ITGA8: variants seen among roughly 807,000 people sequenced by gnomAD.
ITGA8 encodes the protein integrin subunit alpha 8.
A neutral mutation model predicts 142.3 loss-of-function variants in ITGA8; 91 were observed. That is an observed-to-expected ratio of 0.64 (90% CI 0.54 to 0.76). The LOEUF is 0.76. ITGA8 is among the 30% of genes least tolerant of loss of function. The probability of loss-of-function intolerance (pLI) is 0.00; values close to 1 mark genes in which losing one functional copy is unlikely to be tolerated. For missense variants in ITGA8, 1,406 were observed against 1,327.7 expected, an observed-to-expected ratio of 1.06 and a Z score of -0.92; for synonymous variants, 505 against 485.2, an observed-to-expected ratio of 1.04 and a Z score of -0.54.
At chr10:15,548,283 G>T (rs1029004290) in intron 27 of ITGA8, among the ~76,000 whole-genome samples, 172 bp downstream of exon 27, 1 of 152,006 alleles carries the variant, frequency 6.6e-6, no homozygotes, top group Non-Finnish European at 1.5e-5. Flanking sequence ...GTAGAGATGG[G>T]TTTTTTACCA....
At chr10:15,697,043 T>C (rs1012183249) in intron 2 of ITGA8, among the ~76,000 whole-genome samples, 81 of 15,256 alleles carry the variant, frequency 5.3e-3, no homozygotes, top group African/African-American at 7.2e-3. Flanking sequence ...CTCTTGTCTC[T>C]AAAACACACA....
intron 4 of ITGA8, among the ~76,000 whole-genome samples, chr10:15,681,028 C>T (rs556926635): frequency 5.9e-5 from 9 of 152,160 alleles, no homozygotes; most frequent in South Asian, 2.1e-4. Context: ...TATTTGTTGA[C>T]GTCTTACCCA....
At chr10:15,640,020 G>C (rs1417720660) in intron 13 of ITGA8, among the ~76,000 whole-genome samples, 1 of 152,208 alleles carries the variant, frequency 6.6e-6, no homozygotes, top group African/African-American at 2.4e-5. Flanking sequence ...AAAACAGCCA[G>C]CAAGTGAGAC....
At chr10:15,702,474 A>G (rs1271068433) in intron 2 of ITGA8, among the ~76,000 whole-genome samples, 1 of 152,118 alleles carries the variant, frequency 6.6e-6, no homozygotes, top group Non-Finnish European at 1.5e-5. Context: ...TATTTTTGAT[A>G]GAGATGGGGT....
rs147247531 is a variant in ITGA8 at position 15,717,636 on chromosome 10, T to G, written c.343+1130A>C. ...TATTGTGACCATATATAGACAGGCA[T>G]GATAAAAATATAATTTTCCAATGCT... is the stretch of plus-strand genomic sequence containing the variant. On this transcript the variant is annotated intron_variant, in intron 2 of 29. Coordinates refer to ENST00000378076, the MANE Select transcript of ITGA8 (RefSeq NM_003638.3). 1.5e-3 allele frequency among the ~76,000 whole-genome samples: 223 copies of G among 152,338 alleles called. 1 individual carries two copies. The highest frequency in any genetic ancestry group is 5.3e-3 in the African/African-American group (219 of 41,590).
At chr10:15,694,678 C>CATATATATATATATATATAT (rs71374639) in intron 2 of ITGA8, among the ~76,000 whole-genome samples, 1,944 of 77,290 alleles carry the variant, frequency 0.025, 92 homozygotes, top group African/African-American at 0.029. Flanking sequence ...TATTTGTCGA[C>CATATATATATATATATATAT]ATATATATAT....
At chr10:15,708,150 A>G (rs1204921352) in intron 2 of ITGA8, among the ~76,000 whole-genome samples, 2 of 152,202 alleles carry the variant, frequency 1.3e-5, no homozygotes, top group South Asian at 2.1e-4. Context: ...TGCAAATAGT[A>G]GCCCCTGAAA....
chr10:15,592,942 A>G (rs879915430), intron 21 of ITGA8, among the ~76,000 whole-genome samples: 1 of 152,210 alleles, frequency 6.6e-6, no homozygotes, highest in Non-Finnish European at 1.5e-5. Context: ...ACATTTATGT[A>G]GTCATTGAAA....
intron 21 of ITGA8, 106 bp from the exon 22 acceptor site, chr10:15,592,410 T>G: frequency 1.3e-6 from 1 of 793,072 alleles, no homozygotes. Flanking sequence ...AACTCTTTCC[T>G]TTGTTCTGCT....
intron 15 of ITGA8, among the ~76,000 whole-genome samples, chr10:15,609,555 A>G (rs1833255635): frequency 6.6e-6 from 1 of 152,226 alleles, no homozygotes; most frequent in African/African-American, 2.4e-5. Flanking sequence ...TGTCTACGCT[A>G]TTACAAGTGT....
intron 7 of ITGA8, among the ~76,000 whole-genome samples, chr10:15,671,879 C>CAAAAAAAAAAAA (rs34588118): frequency 1.3e-5 from 1 of 79,730 alleles, no homozygotes; most frequent in Non-Finnish European, 2.4e-5. Flanking sequence ...AGGAGCAAAG[C>CAAAAAAAAAAAA]AAAAAAAAAA....
intron 13 of ITGA8, among the ~76,000 whole-genome samples, chr10:15,639,685 C>T (rs1434577399): frequency 6.6e-6 from 1 of 152,200 alleles, no homozygotes; most frequent in Non-Finnish European, 1.5e-5. Flanking sequence ...GGAAACACTG[C>T]TCTAGAGGAC....
At chr10:15,689,089 C>T (rs1237097935) in intron 2 of ITGA8, among the ~76,000 whole-genome samples, 1 of 152,112 alleles carries the variant, frequency 6.6e-6, no homozygotes, top group Non-Finnish European at 1.5e-5. Context: ...ATATAGAATG[C>T]CCTAAAGATT....
At chr10:15,644,509 T>G (rs1268983659) in intron 12 of ITGA8, among the ~76,000 whole-genome samples, 5 of 94,670 alleles carry the variant, frequency 5.3e-5, no homozygotes, top group African/African-American at 7.0e-5. Flanking sequence ...TTTTTTTTTT[T>G]TGAGCAATGG....
intron 12 of ITGA8, among the ~76,000 whole-genome samples, chr10:15,644,433 A>AAT (rs57868499): frequency 2.4e-5 from 1 of 42,448 alleles, no homozygotes; most frequent in Non-Finnish European, 4.1e-5. Flanking sequence ...ATGTCAGGCT[A>AAT]ATATATATAT....
chr10:15,664,055 C>T (rs1359789629), intron 8 of ITGA8, among the ~76,000 whole-genome samples: 2 of 152,076 alleles, frequency 1.3e-5, no homozygotes, highest in Admixed American at 6.6e-5. Context: ...AGATATCAGG[C>T]CTTGCACTGT....
intron 27 of ITGA8, among the ~76,000 whole-genome samples, chr10:15,534,829 G>A (rs999995956): frequency 1.3e-5 from 2 of 152,192 alleles, no homozygotes; most frequent in Non-Finnish European, 2.9e-5. Flanking sequence ...GCCCTGGCTC[G>A]CTCTCGGCGC....
At position 15,654,836 on chromosome 10, in the gene ITGA8, ATAAT is replaced by A. The variant is rs555524040; in HGVS notation, c.1001+514_1001+517del. Reference sequence around the variant, plus strand: ...TAGTGAATCAAAGAAGTGTTTAATCATAATTTATTTTTGAAGTAATGACTTAAGC... The same window carrying A: ...TAGTGAATCAAAGAAGTGTTTAATCATTATTTTTGAAGTAATGACTTAAGC... On this transcript the variant is annotated intron_variant, in intron 11 of 29. Coordinates refer to ENST00000378076, the MANE Select transcript of ITGA8 (RefSeq NM_003638.3). Among the ~76,000 whole-genome samples, 1,053 of 152,348 alleles carry A rather than the reference ATAAT, an allele frequency of 6.9e-3. 6 individuals carry two copies. The highest frequency in any genetic ancestry group is 0.017 in the Admixed American group (260 of 15,298).
intron 2 of ITGA8, among the ~76,000 whole-genome samples, chr10:15,695,365 A>G (rs564585028): frequency 1.3e-5 from 2 of 152,336 alleles, no homozygotes; most frequent in Admixed American, 1.3e-4. Context: ...TTATTTCAAT[A>G]AATTATCTGA....
Sources: allele counts gnomAD v4.1 joint callset (sites outside exome capture counted in the v4.1 genomes callset), GRCh38; gene constraint gnomAD v4.1.1; transcripts MANE v1.5; gene names NCBI Gene and HGNC (gene_info 2026-07-23, HGNC 2026-07-21).